Variants in SDK1 observed in about 807,000 individuals in gnomAD.
SDK1 encodes protein sidekick-1.
In SDK1, 157 loss-of-function variants were observed where a neutral mutation model predicts 245.5. The ratio of observed to expected loss-of-function variants is 0.64; its 90% CI spans 0.56 to 0.73. SDK1 has a LOEUF of 0.73. SDK1 is among the 30% of genes least tolerant of loss of function. The pLI, the probability that SDK1 is intolerant of heterozygous loss-of-function variation, is 0.00. For synonymous variants in SDK1, 1,647 were observed against 1,278.5 expected (o/e 1.29, Z -6.15); for missense variants, 3,583 against 3,002.3 (o/e 1.19, Z -4.52).
At chr7:3,768,988 G>C (rs1780332834) in intron 4 of SDK1, among the ~76,000 whole-genome samples, 1 of 152,182 alleles carries the variant, frequency 6.6e-6, no homozygotes. Context: ...GGTGTGCCGG[G>C]TGACATCTGT....
At chr7:3,360,218 C>G (rs1409347210) in intron 1 of SDK1, among the ~76,000 whole-genome samples, 1 of 152,188 alleles carries the variant, frequency 6.6e-6, no homozygotes, top group African/African-American at 2.4e-5. Context: ...ACACTAGTCA[C>G]TATATTCCTG....
rs972322169 is a variant in SDK1 at position 3,453,417 on chromosome 7, G to C, written c.298+151533G>C. 2.4e-4 allele frequency among the ~76,000 whole-genome samples: 36 copies of C among 152,126 alleles called. 1 individual carries two copies. Among genetic ancestry groups the C allele is most frequent in the African/African-American group, 8.4e-4 (35 of 41,434 alleles). On this transcript the variant is annotated intron_variant, in intron 1 of 44. Transcript: ENST00000404826. ...GTGACCATTTGGACAAAGGGTCTTC[G>C]CAGATGTAATTAAATTCAGGATCTT...
In SDK1 at chr7:4,245,890, C is replaced by T. The variant is rs577600222; in HGVS notation, c.6381+85C>T. 1.1e-4 allele frequency: 164 copies of T among 1,511,170 alleles called. 1 individual carries two copies. The East Asian group carries it at 3.7e-3, about 35-fold the overall frequency. 93.6% of individuals were successfully genotyped at this position (1,511,170 alleles called of 1,614,324 possible). A position where few individuals can be genotyped will look rare whatever the true frequency, so the allele number is the denominator to read the frequency against. On this transcript the variant is annotated intron_variant, in intron 44 of 44. Transcript: ENST00000404826. ...TTCTGCCCCCTCAGGCTGTCTTGTC[C>T]TATTTGAGTCTCATAACATCCCCAC...
At chr7:3,568,847 C>G (rs1010908616) in intron 1 of SDK1, among the ~76,000 whole-genome samples, 6 of 152,152 alleles carry the variant, frequency 3.9e-5, no homozygotes, top group South Asian at 2.1e-4. Flanking sequence ...TTGCCCCTAG[C>G]TAGGAGCATA....
Position 4,068,068 on chromosome 7 carries a change from C to A in SDK1, c.3010+132C>A. The A allele has an allele frequency of 1.1e-5, 7 of 651,726 alleles. No individual in the cohort carries two copies. In the South Asian group the frequency reaches 1.3e-4, roughly 12 times the overall value. The allele number at this position is 651,726 out of a possible 1,614,324, so 40.4% of individuals were successfully genotyped here. A position where few individuals can be genotyped will look rare whatever the true frequency, so the allele number is the denominator to read the frequency against. ...GCCTTCTCAAGAGGAACTGAAAAGT[C>A]TTCCTGGCCGTGTGGCAGAGTCCCA... On this transcript the variant is annotated intron_variant, in intron 20 of 44. Coordinates refer to ENST00000404826, the MANE Select transcript of SDK1 (RefSeq NM_152744.4).
chr7:3,792,411 T>C (rs1467172514), intron 4 of SDK1, among the ~76,000 whole-genome samples: 1 of 152,238 alleles, frequency 6.6e-6, no homozygotes, highest in African/African-American at 2.4e-5. Context: ...TCCTAAGATC[T>C]ACGTTCTTGA....
At chr7:3,628,638 C>A (rs1583245386) in intron 2 of SDK1, among the ~76,000 whole-genome samples, 1 of 152,328 alleles carries the variant, frequency 6.6e-6, no homozygotes, top group African/African-American at 2.4e-5. Flanking sequence ...TTGTCTAATT[C>A]TATGGCTGAG....
Position 3,538,128 on chromosome 7 carries a change from T to C in SDK1, c.299-80952T>C, listed in dbSNP as rs185347449. ...TTATAAGGAATAAAATCCAGATTTC[T>C]TAGCATGACATCCAGGATGTCATGG... On this transcript the variant is annotated intron_variant, in intron 1 of 44. Transcript: ENST00000404826. 1.1e-4 allele frequency among the ~76,000 whole-genome samples: 17 copies of C among 152,310 alleles called. No individual in the cohort carries two copies. The East Asian group carries it at 3.3e-3, about 29-fold the overall frequency.
intron 7 of SDK1, among the ~76,000 whole-genome samples, chr7:3,955,143 G>A (rs917874196): frequency 3.3e-5 from 5 of 152,150 alleles, no homozygotes; most frequent in East Asian, 3.9e-4. Flanking sequence ...AAACTCGGAC[G>A]GCGAGTTTTC....
intron 19 of SDK1, among the ~76,000 whole-genome samples, chr7:4,062,145 A>G (rs560291847): frequency 6.6e-6 from 1 of 152,278 alleles, no homozygotes; most frequent in East Asian, 1.9e-4. Context: ...TAATAATAAT[A>G]AAAACAATAC....
At chr7:3,400,344 T>C (rs1461912594) in intron 1 of SDK1, among the ~76,000 whole-genome samples, 2 of 152,126 alleles carry the variant, frequency 1.3e-5, no homozygotes, top group Non-Finnish European at 2.9e-5. Context: ...TTTTGAAAAT[T>C]GTGGCAGCAT....
At chr7:3,717,234 A>T (rs376553604) in intron 4 of SDK1, among the ~76,000 whole-genome samples, 1 of 152,208 alleles carries the variant, frequency 6.6e-6, no homozygotes, top group Non-Finnish European at 1.5e-5. Context: ...AAAGAATAGA[A>T]ATGCATAGTA....
intron 44 of SDK1, among the ~76,000 whole-genome samples, chr7:4,250,251 C>G (rs929060105): frequency 6.6e-6 from 1 of 152,158 alleles, no homozygotes; most frequent in Non-Finnish European, 1.5e-5. Flanking sequence ...AGTTCTCTTT[C>G]ACATTGTTTG....
At chr7:4,263,508 G>A (rs1212251286) in intron 44 of SDK1, among the ~76,000 whole-genome samples, 2 of 101,774 alleles carry the variant, frequency 2.0e-5, no homozygotes, top group African/African-American at 3.9e-5. Flanking sequence ...GGGAGGCCAC[G>A]TAGACCTCTC....
chr7:3,987,120 C>T, intron 13 of SDK1, 66 bp from the exon 14 acceptor site: 3 of 1,549,064 alleles, frequency 1.9e-6, no homozygotes, highest in Admixed American at 3.4e-5. Flanking sequence ...GCTGTAAGAG[C>T]TCAGGCTCAC....
At chr7:3,728,700 G>T (rs1779084462) in intron 4 of SDK1, among the ~76,000 whole-genome samples, 1 of 152,120 alleles carries the variant, frequency 6.6e-6, no homozygotes, top group African/African-American at 2.4e-5. Flanking sequence ...CCACCTCCTG[G>T]GCTCAAGCAG....
intron 1 of SDK1, among the ~76,000 whole-genome samples, chr7:3,334,497 A>G (rs967332965): frequency 2.0e-5 from 3 of 151,924 alleles, no homozygotes; most frequent in African/African-American, 7.3e-5. Flanking sequence ...GGCAGGAGTC[A>G]GCAAGGTTGC....
At chr7:3,682,739 AC>A (rs1784146441) in intron 4 of SDK1, among the ~76,000 whole-genome samples, 2 of 151,242 alleles carry the variant, frequency 1.3e-5, no homozygotes, top group Admixed American at 1.3e-4. Flanking sequence ...TTTTTTTTAA[AC>A]AGAGTTTTGC....
intron 1 of SDK1, among the ~76,000 whole-genome samples, chr7:3,319,878 C>CTTTTTTTTTTT (rs57770805): frequency 0.092 from 7,859 of 85,234 alleles, 988 homozygotes; most frequent in Non-Finnish European, 0.13. Context: ...CATTCTTAGT[C>CTTTTTTTTTTT]TTTTTTTTTT....
Sources: gnomAD v4.1 joint callset for allele counts (sites outside exome capture counted in the v4.1 genomes callset) on GRCh38, gnomAD v4.1.1 for gene constraint, MANE v1.5 for transcripts, NCBI Gene and HGNC (gene_info 2026-07-23, HGNC 2026-07-21) for gene names.